Variants in OR8B2 observed in about 807,000 individuals in gnomAD.
OR8B2 encodes olfactory receptor family 8 subfamily B member 2.
For synonymous variants in OR8B2, 98 were observed against 138.2 expected (o/e 0.71, Z 2.04); for missense variants, 304 against 379.6 (o/e 0.80, Z 1.65).
the OR8B2 span, among the ~76,000 whole-genome samples, chr11:124,393,550 A>G: frequency 1.4e-5 from 2 of 142,938 alleles, no homozygotes; most frequent in Non-Finnish European, 3.0e-5. Flanking sequence ...ATGCAAATCA[A>G]AACCACAATG....
chr11:124,385,859 C>T (rs147326234), upstream of OR8B2, among the ~76,000 whole-genome samples: 2 of 151,998 alleles, frequency 1.3e-5, no homozygotes, highest in Non-Finnish European at 2.9e-5. Context: ...TCTTGAACTC[C>T]TGGTCTCAAG....
chr11:124,385,469 C>A (rs1302201844), upstream of OR8B2, among the ~76,000 whole-genome samples: 2 of 149,234 alleles, frequency 1.3e-5, no homozygotes, highest in Middle Eastern at 3.4e-3. Flanking sequence ...AAACTACAGA[C>A]CTTATTCAGC....
chr11:124,386,962 A>G (rs1860712141), upstream of OR8B2, among the ~76,000 whole-genome samples: 1 of 152,206 alleles, frequency 6.6e-6, no homozygotes, highest in South Asian at 2.1e-4. Context: ...AACTGGTGTG[A>G]GATGGTATCT....
At chr11:124,395,929 A>T in the OR8B2 span, 1 of 153,524 alleles carries the variant, frequency 6.5e-6, no homozygotes, top group Non-Finnish European at 1.4e-5. Flanking sequence ...ACAAAAGGAC[A>T]AGATCAAGGG....
At chr11:124,393,201 T>C in the OR8B2 span, among the ~76,000 whole-genome samples, 2 of 146,894 alleles carry the variant, frequency 1.4e-5, no homozygotes, top group East Asian at 1.9e-4. Flanking sequence ...GACATAGGCA[T>C]GGGCAAGGAC....
chr11:124,396,073 G>A, the OR8B2 span: 1 of 187,228 alleles, frequency 5.3e-6, no homozygotes, highest in Non-Finnish European at 1.1e-5. Context: ...GTTTAGGTGA[G>A]AAAGCCGTGA....
the OR8B2 span, chr11:124,396,517 T>G: frequency 6.2e-7 from 1 of 1,614,038 alleles, no homozygotes; most frequent in South Asian, 1.1e-5. Flanking sequence ...GGCACCACAT[T>G]AGTGTAGAAA....
At chr11:124,396,291 T>C in the OR8B2 span, 1 of 911,690 alleles carries the variant, frequency 1.1e-6, no homozygotes, top group Middle Eastern at 3.3e-4. Flanking sequence ...AGAGAAATGA[T>C]AAGACAAGTT....
the OR8B2 span, among the ~76,000 whole-genome samples, chr11:124,395,275 A>AAAAAC: frequency 9.9e-5 from 15 of 152,216 alleles, no homozygotes; most frequent in African/African-American, 3.6e-4. Context: ...AAAAAAAGAC[A>AAAAAC]AAAACAAAAC....
upstream of OR8B2, among the ~76,000 whole-genome samples, chr11:124,388,975 G>A (rs1860742697): frequency 6.6e-6 from 1 of 151,960 alleles, no homozygotes; most frequent in African/African-American, 2.4e-5. Flanking sequence ...ACAGGTGCGT[G>A]CCGCCACGCC....
rs1462197661 is a variant in OR8B2, at chr11:124,383,371, A to G, written c.-17-11T>C. ...TTTGTCTTCAAAAATCTGGGAAGACAAAAGAAAATTCTATTAGGAACACAG... is the reference window on the plus strand; with the variant it reads ...TTTGTCTTCAAAAATCTGGGAAGACGAAAGAAAATTCTATTAGGAACACAG... On this transcript the variant is annotated splice_polypyrimidine_tract_variant and intron_variant, in intron 1 of 1. Coordinates refer to ENST00000641451, the MANE Select transcript of OR8B2 (RefSeq NM_001005468.2). 1 of 1,543,170 alleles carries G rather than the reference A, an allele frequency of 6.5e-7. No homozygotes were observed. Among genetic ancestry groups the G allele is most frequent in the East Asian group, 2.2e-5 (1 of 44,470 alleles).
the OR8B2 span, chr11:124,397,067 A>G: frequency 6.2e-7 from 1 of 1,613,976 alleles, no homozygotes; most frequent in Admixed American, 1.7e-5. Context: ...TCATGCACCC[A>G]ACATAGGAGA....
At chr11:124,396,378 C>T in the OR8B2 span, 1 of 1,545,986 alleles carries the variant, frequency 6.5e-7, no homozygotes, top group Non-Finnish European at 8.7e-7. Context: ...ATTTAAAGTT[C>T]TTCAATCGTT....
chr11:124,394,845 G>A, the OR8B2 span, among the ~76,000 whole-genome samples: 3,719 of 152,024 alleles, frequency 0.024, 171 homozygotes, highest in African/African-American at 0.085. Flanking sequence ...TATAATTGTC[G>A]TTATTTTTAT....
upstream of OR8B2, among the ~76,000 whole-genome samples, chr11:124,386,542 A>G (rs1165839246): frequency 6.6e-6 from 1 of 150,434 alleles, no homozygotes; most frequent in Non-Finnish European, 1.5e-5. Flanking sequence ...TTTACTGAGA[A>G]TGATGATTTC....
the OR8B2 span, among the ~76,000 whole-genome samples, chr11:124,395,256 C>T: frequency 6.6e-6 from 1 of 151,688 alleles, no homozygotes; most frequent in Non-Finnish European, 1.5e-5. Flanking sequence ...AGAGTGAGAT[C>T]CTGTCTCAAA....
At chr11:124,387,781 T>C (rs530250270), upstream of OR8B2, among the ~76,000 whole-genome samples, 3 of 148,586 alleles carry the variant, frequency 2.0e-5, no homozygotes, top group Non-Finnish European at 4.5e-5. Context: ...AGTAGTTTTT[T>C]CCAATTCTGT....
the OR8B2 span, among the ~76,000 whole-genome samples, chr11:124,393,885 A>C: frequency 2.0e-5 from 3 of 150,266 alleles, no homozygotes; most frequent in Non-Finnish European, 3.0e-5. Flanking sequence ...ACTGGATTAA[A>C]AAAATGTGGC....
At chr11:124,384,851 C>T (rs559813927), upstream of OR8B2, among the ~76,000 whole-genome samples, 78 of 152,278 alleles carry the variant, frequency 5.1e-4, no homozygotes, top group African/African-American at 1.8e-3. Context: ...AGAGCCTCTG[C>T]TGTCATGTAT....
Sources: allele counts gnomAD v4.1 joint callset (sites outside exome capture counted in the v4.1 genomes callset), GRCh38; gene constraint gnomAD v4.1.1; transcripts MANE v1.5; gene names NCBI Gene and HGNC (gene_info 2026-07-23, HGNC 2026-07-21).